The following GLIS3 variants were observed in gnomAD, a reference collection of about 807,000 sequenced individuals.
The protein encoded by GLIS3 is GLIS family zinc finger 3.
In GLIS3, 53 loss-of-function variants were observed where a neutral mutation model predicts 78.6. The ratio of observed to expected loss-of-function variants is 0.67; its 90% CI spans 0.54 to 0.85. The LOEUF (loss-of-function observed/expected upper bound fraction) is 0.85, where lower values mean the gene tolerates loss of function less well. Ranked by LOEUF, GLIS3 falls within the 40% of genes least tolerant of loss-of-function variation. The pLI, the probability that GLIS3 is intolerant of heterozygous loss-of-function variation, is 0.00. For synonymous variants in GLIS3, 684 were observed against 509.9 expected (o/e 1.34, Z -4.60); for missense variants, 1,703 against 1,231.1 (o/e 1.38, Z -5.74).
intron 9 of GLIS3, among the ~76,000 whole-genome samples, chr9:3,837,045 A>G (rs1439279411): frequency 2.6e-5 from 4 of 152,168 alleles, no homozygotes; most frequent in African/African-American, 7.2e-5. Flanking sequence ...ACAAGTTGGA[A>G]TATTCCCACA....
chr9:3,957,971 G>C (rs1234929963), intron 4 of GLIS3, among the ~76,000 whole-genome samples: 2 of 152,168 alleles, frequency 1.3e-5, no homozygotes, highest in Non-Finnish European at 1.5e-5. Context: ...TCTTCAGTGA[G>C]GGAATTCCGT....
intron 4 of GLIS3, among the ~76,000 whole-genome samples, chr9:4,056,166 G>A (rs1220275840): frequency 6.6e-6 from 1 of 152,290 alleles, no homozygotes; most frequent in Middle Eastern, 3.4e-3. Context: ...GCACCAAATG[G>A]GGTTTGCAAT....
intron 2 of GLIS3, among the ~76,000 whole-genome samples, chr9:4,334,410 G>A (rs1012205062): frequency 1.3e-5 from 2 of 152,196 alleles, no homozygotes; most frequent in African/African-American, 4.8e-5. Context: ...TGGCTGGAGA[G>A]GCAAGGAAGC....
At chr9:4,457,030 C>G in the GLIS3 span, among the ~76,000 whole-genome samples, 1 of 152,274 alleles carries the variant, frequency 6.6e-6, no homozygotes, top group East Asian at 1.9e-4. Context: ...AGTAGACTTG[C>G]TCTACTCAGG....
At chr9:3,894,095 CT>C (rs1364113788) in intron 7 of GLIS3, among the ~76,000 whole-genome samples, 1 of 151,586 alleles carries the variant, frequency 6.6e-6, no homozygotes, top group East Asian at 1.9e-4. Context: ...CTTTAAATCC[CT>C]TTTGTGCCCC....
intron 4 of GLIS3, among the ~76,000 whole-genome samples, chr9:3,979,987 G>C (rs1192695500): frequency 6.6e-6 from 1 of 152,134 alleles, no homozygotes; most frequent in Non-Finnish European, 1.5e-5. Flanking sequence ...GCAAAAGAGA[G>C]GGTGGGGTGG....
intron 2 of GLIS3, among the ~76,000 whole-genome samples, chr9:4,150,392 A>C (rs1464940372): frequency 6.6e-6 from 1 of 152,216 alleles, no homozygotes; most frequent in Non-Finnish European, 1.5e-5. Flanking sequence ...GGGGCCAGCC[A>C]TATGGAGGCA....
chr9:4,407,200 G>C, the GLIS3 span, among the ~76,000 whole-genome samples: 1 of 152,180 alleles, frequency 6.6e-6, no homozygotes, highest in African/African-American at 2.4e-5. Flanking sequence ...GGAAAAGATA[G>C]TCTCTTCAAT....
At chr9:4,047,156 G>A (rs769699447) in intron 4 of GLIS3, among the ~76,000 whole-genome samples, 1 of 152,134 alleles carries the variant, frequency 6.6e-6, no homozygotes, top group Non-Finnish European at 1.5e-5. Context: ...GTTAGTGAGT[G>A]AGTTCTCATG....
the GLIS3 span, among the ~76,000 whole-genome samples, chr9:4,381,263 G>A: frequency 2.0e-5 from 3 of 152,200 alleles, no homozygotes. Flanking sequence ...GGAATTTTAG[G>A]ATAGAAGATG....
At chr9:3,844,288 A>G (rs1818907470) in intron 9 of GLIS3, among the ~76,000 whole-genome samples, 1 of 152,194 alleles carries the variant, frequency 6.6e-6, no homozygotes, top group Non-Finnish European at 1.5e-5. Context: ...TAAACCATCA[A>G]TTGTTTACCA....
intron 1 of GLIS3, among the ~76,000 whole-genome samples, chr9:4,292,043 T>G (rs975100025): frequency 2.6e-5 from 4 of 151,996 alleles, no homozygotes; most frequent in African/African-American, 9.7e-5. Context: ...TCACACAAAA[T>G]GAAAACGAAC....
the GLIS3 span, among the ~76,000 whole-genome samples, chr9:4,358,696 A>G: frequency 6.6e-6 from 1 of 152,316 alleles, no homozygotes; most frequent in East Asian, 1.9e-4. Flanking sequence ...CAGATGCTCC[A>G]GAGGAATGGG....
At chr9:3,932,646 T>A (rs1436519300) in intron 5 of GLIS3, 176 bp from the exon 6 acceptor site, 12 of 578,386 alleles carry the variant, frequency 2.1e-5, no homozygotes, top group Non-Finnish European at 3.8e-5. Flanking sequence ...GTATCATGGT[T>A]AAGAGAAGGG....
chr9:4,272,002 G>A (rs1356607065), intron 2 of GLIS3, among the ~76,000 whole-genome samples: 1 of 152,148 alleles, frequency 6.6e-6, no homozygotes, highest in African/African-American at 2.4e-5. Flanking sequence ...GAATTAAAGA[G>A]AAAATGAGCT....
chr9:4,171,745 G>C (rs921614478), intron 2 of GLIS3, among the ~76,000 whole-genome samples: 1 of 152,106 alleles, frequency 6.6e-6, no homozygotes, highest in Non-Finnish European at 1.5e-5. Flanking sequence ...CTTAGAACTT[G>C]GTCTACAGTG....
At chr9:3,983,778 A>G (rs1266281154) in intron 4 of GLIS3, among the ~76,000 whole-genome samples, 4 of 152,228 alleles carry the variant, frequency 2.6e-5, no homozygotes, top group Non-Finnish European at 4.4e-5. Flanking sequence ...GCAGCAGAGC[A>G]TTCAAGAGGT....
chr9:4,308,578 T>C (rs1817286339), intron 4 of GLIS3, among the ~76,000 whole-genome samples: 1 of 152,202 alleles, frequency 6.6e-6, no homozygotes, highest in South Asian at 2.1e-4. Context: ...TGCCTCTTCC[T>C]TGCAGTGGCT....
chr9:4,411,453 T>A, the GLIS3 span, among the ~76,000 whole-genome samples: 1 of 152,212 alleles, frequency 6.6e-6, no homozygotes, highest in African/African-American at 2.4e-5. Context: ...TTTTTAGTTA[T>A]CATGAAAATC....
Sources: allele counts gnomAD v4.1 joint callset (sites outside exome capture counted in the v4.1 genomes callset), GRCh38; gene constraint gnomAD v4.1.1; transcripts MANE v1.5; gene names NCBI Gene and HGNC (gene_info 2026-07-23, HGNC 2026-07-21).